Variants in ATP6V1C1 observed in about 807,000 individuals in gnomAD.
The protein encoded by ATP6V1C1 is ATPase H+ transporting V1 subunit C1.
In ATP6V1C1, 45 loss-of-function variants were observed where a neutral mutation model predicts 53.9. The observed-to-expected ratio is 0.83, with a 90% confidence interval of 0.66 to 1.07. The LOEUF is 1.07. ATP6V1C1 is among the 50% of genes least tolerant of loss of function. ATP6V1C1 has a pLI of 0.00. For synonymous variants in ATP6V1C1, 153 were observed against 155.2 expected, an observed-to-expected ratio of 0.99 and a Z score of 0.11; for missense variants, 315 against 440.3, an observed-to-expected ratio of 0.72 and a Z score of 2.55.
chr8:103,030,562 G>A (rs1056919023), intron 1 of ATP6V1C1, among the ~76,000 whole-genome samples: 2 of 152,184 alleles, frequency 1.3e-5, no homozygotes, highest in Non-Finnish European at 2.9e-5. Flanking sequence ...GGAGCTGAGC[G>A]AAAGGAAATG....
intron 1 of ATP6V1C1, among the ~76,000 whole-genome samples, chr8:103,021,819 A>C (rs1353687248): frequency 6.6e-6 from 1 of 152,176 alleles, no homozygotes; most frequent in African/African-American, 2.4e-5. Context: ...ACAGAACAAA[A>C]CAAAACAAAC....
chr8:103,068,760 C>G lies in ATP6V1C1; in HGVS notation c.*13C>G. The G allele has an allele frequency of 1.3e-6, 2 of 1,597,274 alleles. No individual in the cohort carries two copies. The highest frequency in any genetic ancestry group is 8.6e-7 in the Non-Finnish European group (1 of 1,167,454). Reference sequence around the variant, plus strand: ...GGAATTCAAGTGAAAATGGGCTCCTCCCCCGACAATCCTGTCCTTGTGTTT... The same window carrying G: ...GGAATTCAAGTGAAAATGGGCTCCTGCCCCGACAATCCTGTCCTTGTGTTT... On this transcript the variant is annotated 3_prime_UTR_variant, in exon 13 of 13. Transcript: ENST00000518738.
At chr8:103,049,420 T>C (rs530681020) in intron 4 of ATP6V1C1, among the ~76,000 whole-genome samples, 2 of 152,340 alleles carry the variant, frequency 1.3e-5, no homozygotes, top group South Asian at 4.1e-4. Flanking sequence ...CAGTATGATT[T>C]TGGCATTTCT....
rs767756741 is a variant in ATP6V1C1 at position 103,063,229 on chromosome 8, G to T, written c.828+1G>T. ...TTCTACTGATAAGAAAAAACAATTTGTATGTGTTTTTAATATTTAGTATTA... is the reference window on the plus strand; with the variant it reads ...TTCTACTGATAAGAAAAAACAATTTTTATGTGTTTTTAATATTTAGTATTA... On this transcript the variant is annotated splice_donor_variant, in intron 10 of 12. Coordinates refer to ENST00000518738, the MANE Select transcript of ATP6V1C1 (RefSeq NM_001695.5). LOFTEE classifies it high-confidence loss of function. 1.3e-6 allele frequency: 2 copies of T among 1,570,894 alleles called. No individual in the cohort carries two copies. Among genetic ancestry groups the T allele is most frequent in the Non-Finnish European group, 1.7e-6 (2 of 1,146,036 alleles).
intron 1 of ATP6V1C1, among the ~76,000 whole-genome samples, chr8:103,033,495 C>T (rs909439495): frequency 1.3e-5 from 2 of 152,072 alleles, no homozygotes; most frequent in South Asian, 4.1e-4. Context: ...GTCTCTGTGC[C>T]AGGTACTGAG....
At chr8:103,044,024 G>C (rs1239408326) in intron 3 of ATP6V1C1, among the ~76,000 whole-genome samples, 1 of 152,128 alleles carries the variant, frequency 6.6e-6, no homozygotes, top group Non-Finnish European at 1.5e-5. Context: ...GAGTAGCTGA[G>C]ATTACAGGTC....
At chr8:103,047,161 A>C (rs1817111554) in intron 3 of ATP6V1C1, among the ~76,000 whole-genome samples, 2 of 152,054 alleles carry the variant, frequency 1.3e-5, no homozygotes, top group Non-Finnish European at 2.9e-5. Context: ...AATTGTTCTG[A>C]TTTTTAGGTT....
At chr8:103,025,043 GGTGT>G (rs140154417) in intron 1 of ATP6V1C1, among the ~76,000 whole-genome samples, 1 of 151,098 alleles carries the variant, frequency 6.6e-6, no homozygotes, top group African/African-American at 2.4e-5. Flanking sequence ...TAAAATGTGG[GGTGT>G]GTGTGTGTGT....
chr8:103,057,739 T>A (rs185682865), intron 8 of ATP6V1C1, among the ~76,000 whole-genome samples: 85 of 152,348 alleles, frequency 5.6e-4, no homozygotes, highest in African/African-American at 2.0e-3. Flanking sequence ...TAAGACTTAA[T>A]GGAGTATTCA....
At chr8:103,036,984 T>C (rs1816910046) in intron 1 of ATP6V1C1, among the ~76,000 whole-genome samples, 1 of 152,196 alleles carries the variant, frequency 6.6e-6, no homozygotes, top group Non-Finnish European at 1.5e-5. Context: ...CGCTTAGATC[T>C]GGATTACAAA....
intron 8 of ATP6V1C1, among the ~76,000 whole-genome samples, chr8:103,061,170 T>A (rs1209026871): frequency 6.6e-6 from 1 of 152,162 alleles, no homozygotes; most frequent in African/African-American, 2.4e-5. Flanking sequence ...GAGCAAGAAT[T>A]AAGGGTAATC....
chr8:103,047,974 C>A (rs9283939), intron 3 of ATP6V1C1, among the ~76,000 whole-genome samples: 39,850 of 152,070 alleles, frequency 0.26, 6,048 homozygotes, highest in Admixed American at 0.39. Flanking sequence ...TTGGATCTTT[C>A]CAATGAGATT....
At position 103,042,402 on chromosome 8, in the gene ATP6V1C1, A is replaced by T. The variant is rs1017269750; in HGVS notation, c.195A>T (p.Val65=). ...SDELAKLDAF[V]EGVVKKVAQY... is the part of the protein sequence containing the mutation. ...AACTGGCTAAACTGGATGCATTTGT[A>T]GAAGGGTAATGTACTTATATGCATG... Residue 65 remains valine, a synonymous_variant, in exon 3 of 13, where the codon GTA becomes GTT. Coordinates refer to ENST00000518738, the MANE Select transcript of ATP6V1C1 (RefSeq NM_001695.5). The T allele has an allele frequency of 2.5e-6, 4 of 1,613,934 alleles. No individual in the cohort carries two copies. The highest frequency in any genetic ancestry group is 3.4e-6 in the Non-Finnish European group (4 of 1,179,924).
At chr8:103,035,826 C>G (rs751123849) in intron 1 of ATP6V1C1, among the ~76,000 whole-genome samples, 5 of 152,160 alleles carry the variant, frequency 3.3e-5, no homozygotes, top group Non-Finnish European at 7.3e-5. Context: ...CATCGAATCT[C>G]TAGTATCTGA....
At chr8:103,035,624 G>A (rs556735420) in intron 1 of ATP6V1C1, among the ~76,000 whole-genome samples, 14 of 152,258 alleles carry the variant, frequency 9.2e-5, no homozygotes, top group South Asian at 6.2e-4. Flanking sequence ...ACAATCATCC[G>A]CAGGAAGGGC....
rs1179271988 is a variant in ATP6V1C1 at position 103,071,187 on chromosome 8, G to A, written c.*2440G>A. 6.6e-6 allele frequency: 1 copy of A among 152,160 alleles called. No individual in the cohort carries two copies. The highest frequency in any genetic ancestry group is 2.4e-5 in the African/African-American group (1 of 41,412). 9.4% of individuals were successfully genotyped at this position (152,160 alleles called of 1,614,324 possible). A position where few individuals can be genotyped will look rare whatever the true frequency, so the allele number is the denominator to read the frequency against. On this transcript the variant is annotated 3_prime_UTR_variant, in exon 13 of 13. Coordinates refer to ENST00000518738, the MANE Select transcript of ATP6V1C1 (RefSeq NM_001695.5). Reference sequence around the variant, plus strand: ...GGTGGCGGTCACCATTCCTGGAAAGGGACTGTCCCAAGCCACTTACCTTCC... The same window carrying A: ...GGTGGCGGTCACCATTCCTGGAAAGAGACTGTCCCAAGCCACTTACCTTCC...
At position 103,043,482 on chromosome 8, in the gene ATP6V1C1, C is replaced by T. The variant is rs562977907; in HGVS notation, c.200+1075C>T. Among the ~76,000 whole-genome samples, 14 of 149,250 alleles carry T rather than the reference C, an allele frequency of 9.4e-5. No homozygotes were observed. In the East Asian group the frequency reaches 2.5e-3, roughly 27 times the overall value. ...GGATTACAGGCACCCACCACCACGC[C>T]CAGCTAATTTTTTTTTTTTTTTGTA... On this transcript the variant is annotated intron_variant, in intron 3 of 12. Transcript: ENST00000518738.
Position 103,068,696 on chromosome 8 carries a change from C to T in ATP6V1C1, c.1098C>T (p.Tyr366=). 6.2e-7 allele frequency: 1 copy of T among 1,611,750 alleles called. No individual in the cohort carries two copies. The highest frequency in any genetic ancestry group is 8.5e-7 in the Non-Finnish European group (1 of 1,179,066). Residue 366 remains tyrosine, a synonymous_variant, in exon 13 of 13, where the codon TAC becomes TAT. Transcript: ENST00000518738. ...IPGLNLSQQE[Y]YPYVYYKIDC... is the part of the protein sequence containing the mutation. The stretch of plus-strand genomic sequence containing the variant: ...GTTTAAACCTGAGTCAACAAGAATA[C>T]TACCCCTATGTGTACTACAAGATTG...
chr8:103,053,638 C>T (rs1426071633), intron 6 of ATP6V1C1, among the ~76,000 whole-genome samples: 1 of 151,898 alleles, frequency 6.6e-6, no homozygotes, highest in East Asian at 1.9e-4. Flanking sequence ...AAGAGAAGAG[C>T]TGAGTTATAA....
Sources: allele counts gnomAD v4.1 joint callset (sites outside exome capture counted in the v4.1 genomes callset), GRCh38; gene constraint gnomAD v4.1.1; transcripts MANE v1.5; gene names NCBI Gene and HGNC (gene_info 2026-07-23, HGNC 2026-07-21).